The following TAF6 variants were observed in gnomAD, a reference collection of about 807,000 sequenced individuals.
The protein encoded by TAF6 is TATA-box binding protein associated factor 6, also known as transcription initiation factor TFIID subunit 6.
A neutral mutation model predicts 73.5 loss-of-function variants in TAF6; 50 were observed. The ratio of observed to expected loss-of-function variants is 0.68; its 90% CI spans 0.54 to 0.86. TAF6 has a LOEUF of 0.86. Among genes scored for constraint, TAF6 ranks in the 40% least tolerant of loss-of-function variants. The pLI is 0.00. For missense variants in TAF6, 768 were observed against 899.5 expected, an observed-to-expected ratio of 0.85 and a Z score of 1.87; for synonymous variants, 424 against 376.7, an observed-to-expected ratio of 1.13 and a Z score of -1.45.
chr7:100,114,037 C>T lies in TAF6; in HGVS notation c.156+17G>A, dbSNP rs201852214. On this transcript the variant is annotated intron_variant, in intron 2 of 14. Transcript: ENST00000453269. ...GACATGGACCCAATGTAGAGCTGGA[C>T]AGAAGGGCCGGGTCACCTGTGCGAT... 396 of 1,613,976 alleles carry T rather than the reference C, an allele frequency of 2.5e-4. 1 individual carries two copies. In the East Asian group the frequency reaches 8.7e-3, roughly 35 times the overall value.
intron 1 of TAF6, among the ~76,000 whole-genome samples, chr7:100,116,853 C>T (rs1471956843): frequency 6.6e-6 from 1 of 152,136 alleles, no homozygotes; most frequent in African/African-American, 2.4e-5. Flanking sequence ...CTGGAATGTT[C>T]TTCCCAAATA....
upstream of TAF6, among the ~76,000 whole-genome samples, chr7:100,121,878 G>A (rs1191987842): frequency 5.9e-4 from 76 of 129,770 alleles, no homozygotes; most frequent in Non-Finnish European, 5.1e-4. Flanking sequence ...GTGAAACCCT[G>A]TCTCTACTAA....
rs138856474 is a variant in TAF6, at chr7:100,113,442, C to T, written c.398-37G>A. ...GCAGGTGTCAAGGTGAATTGCCACG[C>T]ATGGACATTGGGGAGTTGCCCCATG... On this transcript the variant is annotated intron_variant, in intron 4 of 14. Coordinates refer to ENST00000453269, the MANE Select transcript of TAF6 (RefSeq NM_139315.3). 757 of 1,550,866 alleles carry T rather than the reference C, an allele frequency of 4.9e-4. 3 individuals are homozygous for T. Among genetic ancestry groups the T allele is most frequent in the Non-Finnish European group, 6.2e-4 (706 of 1,146,466 alleles).
upstream of TAF6, chr7:100,122,202 T>G (rs1257478096): frequency 6.2e-7 from 1 of 1,605,782 alleles, no homozygotes; most frequent in African/African-American, 1.3e-5. Context: ...ATCTGCAGAA[T>G]GAATGGCTGG....
chr7:100,109,888 T>C (rs1243129372), intron 12 of TAF6, 60 bp downstream of exon 12: 5 of 1,597,702 alleles, frequency 3.1e-6, no homozygotes, highest in Non-Finnish European at 4.3e-6. Context: ...ATATGCCATA[T>C]GCTTGCTAAA....
intron 1 of TAF6, among the ~76,000 whole-genome samples, chr7:100,118,061 A>AT (rs398005582): frequency 6.7e-6 from 1 of 148,382 alleles, no homozygotes. Context: ...AAAAAAAAAA[A>AT]CAAAAAAAGC....
intron 1 of TAF6, 102 bp from the exon 2 acceptor site, chr7:100,114,370 C>T (rs1251949101): frequency 1.3e-5 from 15 of 1,166,742 alleles, no homozygotes; most frequent in Non-Finnish European, 1.9e-5. Flanking sequence ...CTCCGAGTGT[C>T]TTATGTCCAT....
chr7:100,121,877 T>C (rs10240965), upstream of TAF6, among the ~76,000 whole-genome samples: 54,791 of 150,912 alleles, frequency 0.36, 10,204 homozygotes, highest in Non-Finnish European at 0.39. Context: ...GGTGAAACCC[T>C]GTCTCTACTA....
In TAF6 at chr7:100,107,195, CGTGTGTACATGTCTGCAT is replaced by C. The variant is rs1489443582; in HGVS notation, c.*33_*50del. On this transcript the variant is annotated 3_prime_UTR_variant, in exon 15 of 15. Coordinates refer to ENST00000453269, the MANE Select transcript of TAF6 (RefSeq NM_139315.3). ...GCGAGCATGCATGTGTGTACGTGCA[CGTGTGTACATGTCTGCAT>C]GTGTGGGAATCCGGGGGCTGGCAGG... 20 of 1,519,004 alleles carry C rather than the reference CGTGTGTACATGTCTGCAT, an allele frequency of 1.3e-5. No homozygotes were observed. Among genetic ancestry groups the C allele is most frequent in the Non-Finnish European group, 1.6e-5 (18 of 1,136,500 alleles). The allele number at this position is 1,519,004 out of a possible 1,614,324, so 94.1% of individuals were successfully genotyped here.
Position 100,113,785 on chromosome 7 carries a change from G to A in TAF6, c.244-16C>T. 1 of 1,613,876 alleles carries A rather than the reference G, an allele frequency of 6.2e-7. No homozygotes were observed. Among genetic ancestry groups the A allele is most frequent in the Non-Finnish European group, 8.5e-7 (1 of 1,179,872 alleles). On this transcript the variant is annotated splice_polypyrimidine_tract_variant and intron_variant, in intron 3 of 14. Coordinates refer to ENST00000453269, the MANE Select transcript of TAF6 (RefSeq NM_139315.3). ...CATAGAGTGGCTGTGGCAGGAGAGA[G>A]GGGCATGGGTAAGAAGGGAGCCGGA...
upstream of TAF6, among the ~76,000 whole-genome samples, chr7:100,121,655 G>A (rs1320441203): frequency 1.3e-5 from 2 of 151,104 alleles, no homozygotes; most frequent in African/African-American, 2.4e-5. Flanking sequence ...ATGTGGGCCA[G>A]GCTGGTCTTG....
In TAF6 at chr7:100,114,216, G is replaced by A; in HGVS notation, c.-7C>T. ...GCTTCTTCTCCTCAGCCATTCTGGA[G>A]TCCCTCTTCTCCTCCCTGGAAGGAT... On this transcript the variant is annotated 5_prime_UTR_variant, in exon 2 of 15. Transcript: ENST00000453269. The A allele has an allele frequency of 2.5e-6, 4 of 1,614,036 alleles. No homozygotes were observed. Among genetic ancestry groups the A allele is most frequent in the East Asian group, 2.2e-5 (1 of 44,900 alleles).
upstream of TAF6, chr7:100,124,796 CAGG>C (rs141457365): frequency 1.2e-4 from 194 of 1,609,110 alleles, no homozygotes; most frequent in Admixed American, 8.5e-4. Context: ...GGAGGAAGAG[CAGG>C]AGGAGGAGGA....
rs377046231 is a variant in TAF6, at chr7:100,112,005, G to A, written c.721-6C>T. 15 of 1,614,086 alleles carry A rather than the reference G, an allele frequency of 9.3e-6. No homozygotes were observed. In the African/African-American group the frequency reaches 2.0e-4, roughly 22 times the overall value. ...GCAATGCTTTGCAGGGCTTCCTGTG[G>A]GAGGAGGGAAGCCAGTCAGGTGGGG... is the stretch of plus-strand genomic sequence containing the variant. On this transcript the variant is annotated splice_polypyrimidine_tract_variant and splice_region_variant and intron_variant, in intron 7 of 14. Transcript: ENST00000453269.
chr7:100,119,608 T>G, upstream of TAF6: 1 of 1,555,872 alleles, frequency 6.4e-7, no homozygotes, highest in South Asian at 1.2e-5. Flanking sequence ...CCACCCTTGT[T>G]GGGCTGATCC....
At chr7:100,120,014 A>G, upstream of TAF6, 2 of 647,642 alleles carry the variant, frequency 3.1e-6, no homozygotes. Context: ...GATGGGGTCA[A>G]GGAAGCGAAC....
upstream of TAF6, chr7:100,122,553 C>T: frequency 6.2e-7 from 1 of 1,611,970 alleles, no homozygotes. Context: ...ACGCTGAGCG[C>T]AAGGGCTCAC....
chr7:100,110,165 TC>T, intron 11 of TAF6, 34 bp downstream of exon 11: 1 of 1,613,982 alleles, frequency 6.2e-7, no homozygotes, highest in South Asian at 1.1e-5. Context: ...CATGACTGTG[TC>T]CCCTCCCCCA....
chr7:100,113,121 C>G lies in TAF6; in HGVS notation c.455-204G>C, dbSNP rs578078560. 2.0e-5 allele frequency among the ~76,000 whole-genome samples: 3 copies of G among 152,202 alleles called. No homozygotes were observed. The South Asian group carries it at 6.2e-4, about 32-fold the overall frequency. ...GTCTACTAAAATTACAAAAAATTAG[C>G]CGGGCGTGGTGGTGTGTGCTTGTAG... On this transcript the variant is annotated intron_variant, in intron 5 of 14. Coordinates refer to ENST00000453269, the MANE Select transcript of TAF6 (RefSeq NM_139315.3).
Sources: allele counts gnomAD v4.1 joint callset (sites outside exome capture counted in the v4.1 genomes callset), GRCh38; gene constraint gnomAD v4.1.1; transcripts MANE v1.5; gene names NCBI Gene and HGNC (gene_info 2026-07-23, HGNC 2026-07-21).